Variants in BCLAF1 observed in about 807,000 individuals in gnomAD.
BCLAF1 encodes BCL2 associated transcription factor 1, also known as bcl-2-associated transcription factor 1.
Under a neutral mutation model 99.5 loss-of-function variants are expected in BCLAF1, and 10 were observed. That is an observed-to-expected ratio of 0.10 (90% CI 0.06 to 0.17). BCLAF1 has a LOEUF of 0.17. BCLAF1 is among the 10% of genes least tolerant of loss of function. BCLAF1 has a pLI of 1.00. For missense variants in BCLAF1, 636 were observed against 1,105.8 expected (o/e 0.58, Z 6.02); for synonymous variants, 255 against 370.9 (o/e 0.69, Z 3.59).
chr6:136,279,672 C>T (rs1057020806), intron 3 of BCLAF1, 91 bp downstream of exon 3: 11 of 1,206,308 alleles, frequency 9.1e-6, no homozygotes, highest in Non-Finnish European at 1.2e-5. Context: ...GAATAAAATA[C>T]ATTTTGGGGT....
At chr6:136,274,633 A>T (rs574054042) in intron 6 of BCLAF1, among the ~76,000 whole-genome samples, 1 of 152,136 alleles carries the variant, frequency 6.6e-6, no homozygotes, top group East Asian at 1.9e-4. Context: ...TCTCATGTCA[A>T]ACGACAGATT....
At chr6:136,282,364 T>C (rs1029801079) in intron 2 of BCLAF1, among the ~76,000 whole-genome samples, 1 of 151,886 alleles carries the variant, frequency 6.6e-6, no homozygotes. Context: ...TTTATAGAAA[T>C]AGAAAAAGCA....
Position 136,259,730 on chromosome 6 carries a change from C to A in BCLAF1, c.*1380G>T, listed in dbSNP as rs553373253. Reference sequence around the variant, plus strand: ...CTCGAAAGTGTTTAAGATGAAAGAGCAATACACTTAAGATCTTCAAAAGTT... The same window carrying A: ...CTCGAAAGTGTTTAAGATGAAAGAGAAATACACTTAAGATCTTCAAAAGTT... On this transcript the variant is annotated 3_prime_UTR_variant, in exon 13 of 13. Transcript: ENST00000531224. The A allele has an allele frequency of 2.6e-5, 4 of 152,084 alleles. No individual in the cohort carries two copies. The highest frequency in any genetic ancestry group is 9.6e-5 in the African/African-American group (4 of 41,538). The allele number at this position is 152,084 out of a possible 1,614,324, so 9.4% of individuals were successfully genotyped here.
Position 136,257,274 on chromosome 6 carries a change from TG to T in BCLAF1, c.*3835del, listed in dbSNP as rs1780524905. ...GACACATTATTTGAATGTTTCTAGT[TG>T]TGGTGGAATGCTATCCTAATAATGC... is the stretch of plus-strand genomic sequence containing the variant. On this transcript the variant is annotated 3_prime_UTR_variant, in exon 13 of 13. Coordinates refer to ENST00000531224, the MANE Select transcript of BCLAF1 (RefSeq NM_014739.3). 6.6e-6 allele frequency: 1 copy of T among 152,226 alleles called. No individual in the cohort carries two copies. The highest frequency in any genetic ancestry group is 2.4e-5 in the African/African-American group (1 of 41,462). 9.4% of individuals were successfully genotyped at this position (152,226 alleles called of 1,614,324 possible).
chr6:136,284,875 G>A (rs969682380), intron 1 of BCLAF1, among the ~76,000 whole-genome samples: 7 of 152,124 alleles, frequency 4.6e-5, no homozygotes, highest in African/African-American at 1.4e-4. Flanking sequence ...GAGGTGGGCA[G>A]GGGGACTACT....
intron 1 of BCLAF1, among the ~76,000 whole-genome samples, chr6:136,284,130 GTATATATATATA>G (rs60218804): frequency 8.2e-5 from 10 of 122,084 alleles, no homozygotes; most frequent in Admixed American, 7.9e-5. Context: ...GTGTGTGTGT[GTATATATATATA>G]TATATATATA....
chr6:136,284,252 C>G (rs1225924907), intron 1 of BCLAF1, among the ~76,000 whole-genome samples: 1 of 150,746 alleles, frequency 6.6e-6, no homozygotes, highest in African/African-American at 2.5e-5. Flanking sequence ...ACTGACAGAA[C>G]AGGGAATACA....
intron 1 of BCLAF1, 120 bp from the exon 2 acceptor site, chr6:136,282,807 G>A (rs561470208): frequency 3.0e-4 from 46 of 152,114 alleles, no homozygotes; most frequent in African/African-American, 1.1e-3. Context: ...TTCAGGGAAG[G>A]AAAAACTAAT....
At chr6:136,284,762 T>A (rs1172144057) in intron 1 of BCLAF1, among the ~76,000 whole-genome samples, 1 of 152,170 alleles carries the variant, frequency 6.6e-6, no homozygotes, top group Non-Finnish European at 1.5e-5. Context: ...CTCCCTACTC[T>A]CTTGAAGCTT....
Position 136,259,927 on chromosome 6 carries a change from C to T in BCLAF1, c.*1183G>A, listed in dbSNP as rs559704082. The stretch of plus-strand genomic sequence containing the variant: ...ATCAATATAGACACAAAAGATAATT[C>T]ACATTTGAAAAATTATCTACCTGAA... On this transcript the variant is annotated 3_prime_UTR_variant, in exon 13 of 13. Transcript: ENST00000531224. The T allele has an allele frequency of 3.3e-5, 5 of 151,898 alleles. No individual in the cohort carries two copies. Among genetic ancestry groups the T allele is most frequent in the African/African-American group, 1.2e-4 (5 of 41,460 alleles). 9.4% of individuals were successfully genotyped at this position (151,898 alleles called of 1,614,324 possible). A position where few individuals can be genotyped will look rare whatever the true frequency, so the allele number is the denominator to read the frequency against.
At chr6:136,281,994 G>A (rs1446947206) in intron 2 of BCLAF1, among the ~76,000 whole-genome samples, 1 of 152,154 alleles carries the variant, frequency 6.6e-6, no homozygotes, top group African/African-American at 2.4e-5. Flanking sequence ...CTATCAAATA[G>A]TTAGCAGTCC....
intron 6 of BCLAF1, chr6:136,273,578 T>C (rs574163385): frequency 2.2e-4 from 35 of 161,160 alleles, no homozygotes; most frequent in Middle Eastern, 3.2e-3. Flanking sequence ...AACAGGAAAA[T>C]ATGGAGTTAA....
chr6:136,259,010 T>A lies in BCLAF1; in HGVS notation c.*2100A>T, dbSNP rs566192188. Reference sequence around the variant, plus strand: ...CAAATATCCTTACCAAGAGGAACCATTCAACTTTTATAATATCGTAAAGCG... The same window carrying A: ...CAAATATCCTTACCAAGAGGAACCAATCAACTTTTATAATATCGTAAAGCG... On this transcript the variant is annotated 3_prime_UTR_variant, in exon 13 of 13. Coordinates refer to ENST00000531224, the MANE Select transcript of BCLAF1 (RefSeq NM_014739.3). 1 of 152,584 alleles carries A rather than the reference T, an allele frequency of 6.6e-6. No individual in the cohort carries two copies. Among genetic ancestry groups the A allele is most frequent in the African/African-American group, 2.4e-5 (1 of 41,574 alleles). 9.5% of individuals were successfully genotyped at this position (152,584 alleles called of 1,614,324 possible). A position where few individuals can be genotyped will look rare whatever the true frequency, so the allele number is the denominator to read the frequency against.
At chr6:136,277,321 G>A (rs1400304481) in intron 4 of BCLAF1, among the ~76,000 whole-genome samples, 1 of 152,126 alleles carries the variant, frequency 6.6e-6, no homozygotes, top group Non-Finnish European at 1.5e-5. Context: ...CAATATAGCT[G>A]CATTATTTAT....
intron 8 of BCLAF1, 32 bp downstream of exon 8, chr6:136,271,963 A>G (rs1782598813): frequency 1.3e-6 from 2 of 1,498,976 alleles, no homozygotes; most frequent in African/African-American, 2.8e-5. Context: ...AGCTGAACTT[A>G]ACACGAAAAA....
intron 1 of BCLAF1, among the ~76,000 whole-genome samples, chr6:136,284,130 G>GTATATATATATATATATATA (rs60218804): frequency 4.9e-5 from 6 of 122,114 alleles, no homozygotes; most frequent in East Asian, 4.4e-4. Context: ...GTGTGTGTGT[G>GTATATATATATATATATATA]TATATATATA....
At chr6:136,284,358 C>T (rs1379278713) in intron 1 of BCLAF1, among the ~76,000 whole-genome samples, 3 of 151,798 alleles carry the variant, frequency 2.0e-5, no homozygotes, top group African/African-American at 7.3e-5. Flanking sequence ...AAATGTAACA[C>T]ACAATAAATA....
chr6:136,278,259 T>G lies in BCLAF1; in HGVS notation c.622A>C (p.Thr208Pro). The G allele has an allele frequency of 6.2e-7, 1 of 1,614,174 alleles. No homozygotes were observed. The highest frequency in any genetic ancestry group is 8.5e-7 in the Non-Finnish European group (1 of 1,180,008). ...AGGCCAGGCCAAATATCACCGGATGTGGCTGATGACTTATTAAATTCATCG... is the reference window on the plus strand; with the variant it reads ...AGGCCAGGCCAAATATCACCGGATGGGGCTGATGACTTATTAAATTCATCG... Reference protein sequence around the residue: ...SIDEFNKSSATSGDIWPGLSA... With the variant: ...SIDEFNKSSAPSGDIWPGLSA... The change falls in exon 4 of 13, where the codon ACA (threonine) becomes CCA (proline). Residue 208 changes from threonine (T) to proline (P), a missense_variant. Physicochemically the swap from Thr to Pro is conservative, Grantham distance 38. Around this residue, in one of 9 missense-constraint regions of BCLAF1, gnomAD observed 65 missense variants for 90.9 expected, o/e 0.71. Transcript: ENST00000531224.
intron 1 of BCLAF1, among the ~76,000 whole-genome samples, chr6:136,283,317 T>C (rs1784631993): frequency 6.6e-6 from 1 of 152,152 alleles, no homozygotes; most frequent in Non-Finnish European, 1.5e-5. Context: ...TTTAGTTTCA[T>C]GTGAAACTGA....
Sources: gnomAD v4.1 joint callset for allele counts (sites outside exome capture counted in the v4.1 genomes callset) on GRCh38, gnomAD v4.1.1 for gene constraint, gnomAD v4.1.1 regional missense constraint, MANE v1.5 for transcripts, NCBI Gene and HGNC (gene_info 2026-07-23, HGNC 2026-07-21) for gene names.